The following HMBOX1 variants were observed in gnomAD, a reference collection of about 807,000 sequenced individuals.
The protein encoded by HMBOX1 is homeobox-containing protein 1.
A neutral mutation model predicts 54.5 loss-of-function variants in HMBOX1; 14 were observed. The ratio of observed to expected loss-of-function variants is 0.26; its 90% confidence interval spans 0.17 to 0.40. The LOEUF is 0.40. Among genes scored for constraint, HMBOX1 ranks in the 10% least tolerant of loss-of-function variants. The pLI is 1.00. For missense variants in HMBOX1, 332 were observed against 514.4 expected, an observed-to-expected ratio of 0.65 and a Z score of 3.43; for synonymous variants, 160 against 181.0, an observed-to-expected ratio of 0.88 and a Z score of 0.93.
intron 9 of HMBOX1, 102 bp downstream of exon 9, chr8:29,049,150 A>C: frequency 6.8e-7 from 1 of 1,472,134 alleles, no homozygotes; most frequent in Non-Finnish European, 9.4e-7. Context: ...GGGGAGGGGA[A>C]ACAGTCACTG....
At chr8:28,917,723 A>G (rs1816812703) in intron 1 of HMBOX1, among the ~76,000 whole-genome samples, 1 of 152,090 alleles carries the variant, frequency 6.6e-6, no homozygotes, top group South Asian at 2.1e-4. Flanking sequence ...TTCTATTTCT[A>G]GTTTGCTCCG....
At chr8:29,035,012 G>A (rs944127850) in intron 6 of HMBOX1, among the ~76,000 whole-genome samples, 1 of 152,158 alleles carries the variant, frequency 6.6e-6, no homozygotes, top group Non-Finnish European at 1.5e-5. Context: ...TGTGTACAAA[G>A]TATTGTGTTT....
At chr8:29,044,386 A>G (rs1386806575) in intron 6 of HMBOX1, among the ~76,000 whole-genome samples, 1 of 152,176 alleles carries the variant, frequency 6.6e-6, no homozygotes, top group East Asian at 1.9e-4. Flanking sequence ...TGGGTGACTG[A>G]AAAAGTAGCA....
intron 1 of HMBOX1, among the ~76,000 whole-genome samples, chr8:28,946,113 C>T (rs925169484): frequency 6.6e-6 from 1 of 151,778 alleles, no homozygotes; most frequent in African/African-American, 2.4e-5. Context: ...CCACTATGCC[C>T]AGCTAATTTT....
intron 2 of HMBOX1, among the ~76,000 whole-genome samples, chr8:28,964,724 C>A (rs911194472): frequency 6.9e-6 from 1 of 144,788 alleles, no homozygotes; most frequent in Non-Finnish European, 1.5e-5. Context: ...TATAGTTCCC[C>A]CACCCCCACC....
Position 28,973,803 on chromosome 8 carries a change from G to GTTTTTTTTT in HMBOX1, c.500+3307_500+3315dup, listed in dbSNP as rs71222583. ...TAATAATTTCGAGATACATAATGGA[G>GTTTTTTTTT]TTTTTTTTTTTTTTTTTTTTTTTTT... On this transcript the variant is annotated intron_variant, in intron 3 of 9. Coordinates refer to ENST00000287701, the MANE Select transcript of HMBOX1 (RefSeq NM_001135726.3). 2.9e-4 allele frequency among the ~76,000 whole-genome samples: 21 copies of GTTTTTTTTT among 72,620 alleles called. 2 individuals are homozygous for GTTTTTTTTT. The highest frequency in any genetic ancestry group is 4.6e-4 in the Non-Finnish European group (18 of 38,958). The allele number at this position is 72,620 out of a possible 152,430, so 47.6% of individuals were successfully genotyped here. A position where few individuals can be genotyped will look rare whatever the true frequency, so the allele number is the denominator to read the frequency against.
chr8:28,953,474 G>A (rs1823873196), intron 1 of HMBOX1, among the ~76,000 whole-genome samples: 1 of 152,058 alleles, frequency 6.6e-6, no homozygotes, highest in Admixed American at 6.5e-5. Flanking sequence ...TCCTAAACAT[G>A]ACTTTAACTT....
chr8:29,025,361 TATC>T (rs1325050847), intron 6 of HMBOX1, among the ~76,000 whole-genome samples: 3 of 152,146 alleles, frequency 2.0e-5, no homozygotes, highest in African/African-American at 7.2e-5. Context: ...AAGAGTTAAA[TATC>T]ATGATGAAGT....
chr8:28,917,788 A>G (rs558315257), intron 1 of HMBOX1, among the ~76,000 whole-genome samples: 6 of 152,200 alleles, frequency 3.9e-5, no homozygotes, highest in Non-Finnish European at 8.8e-5. Context: ...CTTTTTCTTC[A>G]TCTTTTCTTA....
chr8:28,915,581 A>T (rs1816385143), intron 1 of HMBOX1: 1 of 143,912 alleles, frequency 6.9e-6, no homozygotes, highest in African/African-American at 2.6e-5. Flanking sequence ...AAAAAAAAAG[A>T]GACAGAGTCC....
At chr8:28,973,571 C>T (rs1242847031) in intron 3 of HMBOX1, among the ~76,000 whole-genome samples, 1 of 152,038 alleles carries the variant, frequency 6.6e-6, no homozygotes, top group Non-Finnish European at 1.5e-5. Context: ...TAGGAATATA[C>T]TGCCCTTGCT....
intron 4 of HMBOX1, among the ~76,000 whole-genome samples, chr8:28,994,398 T>C (rs149018899): frequency 1.1e-4 from 16 of 152,306 alleles, no homozygotes; most frequent in African/African-American, 3.8e-4. Context: ...TGTTTTTCCA[T>C]TGATTCTTTG....
At chr8:29,003,593 T>C (rs772374747) in intron 4 of HMBOX1, among the ~76,000 whole-genome samples, 41 of 139,364 alleles carry the variant, frequency 2.9e-4, no homozygotes, top group Non-Finnish European at 5.6e-4. Flanking sequence ...CATATTTTTC[T>C]GTATTAAATG....
intron 6 of HMBOX1, among the ~76,000 whole-genome samples, chr8:29,032,952 T>C (rs1238555101): frequency 6.6e-6 from 1 of 152,174 alleles, no homozygotes; most frequent in African/African-American, 2.4e-5. Context: ...TTTAAAGTGA[T>C]CCAATCAAAA....
chr8:28,890,294 T>G, upstream of HMBOX1: 1 of 174,744 alleles, frequency 5.7e-6, no homozygotes. Context: ...GAAGTTGTAG[T>G]TCCCTTGGCC....
intron 5 of HMBOX1, among the ~76,000 whole-genome samples, chr8:29,014,984 T>G (rs1453904532): frequency 1.3e-5 from 2 of 152,152 alleles, no homozygotes; most frequent in Non-Finnish European, 2.9e-5. Flanking sequence ...CCGGCCTTGA[T>G]TTCTTTCAAA....
intron 1 of HMBOX1, among the ~76,000 whole-genome samples, chr8:28,898,541 G>A (rs994423003): frequency 1.3e-5 from 2 of 152,196 alleles, no homozygotes; most frequent in African/African-American, 2.4e-5. Flanking sequence ...TGGGAGAAAC[G>A]TTAGGAATCT....
chr8:28,909,329 C>G (rs183838585), intron 1 of HMBOX1, among the ~76,000 whole-genome samples: 2 of 151,710 alleles, frequency 1.3e-5, no homozygotes, highest in African/African-American at 2.4e-5. Flanking sequence ...TTGTAAAATA[C>G]AATAAAAATG....
chr8:28,913,661 C>G (rs1350356072), intron 1 of HMBOX1, among the ~76,000 whole-genome samples: 3 of 152,164 alleles, frequency 2.0e-5, no homozygotes, highest in Non-Finnish European at 4.4e-5. Flanking sequence ...TTCTCTTTCT[C>G]TCCCCATAGC....
Sources: gnomAD v4.1 joint callset for allele counts (sites outside exome capture counted in the v4.1 genomes callset) on GRCh38, gnomAD v4.1.1 for gene constraint, MANE v1.5 for transcripts, NCBI Gene and HGNC (gene_info 2026-07-23, HGNC 2026-07-21) for gene names.